The following ATIC variants were observed in gnomAD, a reference collection of about 807,000 sequenced individuals.
ATIC encodes bifunctional purine biosynthesis protein ATIC.
A neutral mutation model predicts 72.5 loss-of-function variants in ATIC; 64 were observed. The observed-to-expected ratio is 0.88, with a 90% CI of 0.72 to 1.09. The LOEUF is 1.09. Among genes scored for constraint, ATIC ranks in the 50% least tolerant of loss-of-function variants. The pLI is 0.00. For missense variants in ATIC, 787 were observed against 732.4 expected, an observed-to-expected ratio of 1.07 and a Z score of -0.86; for synonymous variants, 281 against 267.1, an observed-to-expected ratio of 1.05 and a Z score of -0.51.
chr2:215,315,575 A>C (rs2052699554), intron 2 of ATIC, among the ~76,000 whole-genome samples: 1 of 152,072 alleles, frequency 6.6e-6, no homozygotes, highest in Non-Finnish European at 1.5e-5. Context: ...TCTGGTCTTG[A>C]ACTCTAGGGC....
At chr2:215,366,851 A>G in the ATIC span, among the ~76,000 whole-genome samples, 1 of 152,256 alleles carries the variant, frequency 6.6e-6, no homozygotes, top group Non-Finnish European at 1.5e-5. Flanking sequence ...TTCAGGAGTT[A>G]AAAACCATCT....
At chr2:215,318,884 C>CTT (rs576388730) in intron 3 of ATIC, among the ~76,000 whole-genome samples, 2 of 145,420 alleles carry the variant, frequency 1.4e-5, no homozygotes, top group Non-Finnish European at 1.5e-5. Context: ...ATATATCTCT[C>CTT]TTTTTTTTTT....
chr2:215,317,682 T>A (rs1316945407), intron 2 of ATIC, among the ~76,000 whole-genome samples: 1 of 151,962 alleles, frequency 6.6e-6, no homozygotes, highest in Non-Finnish European at 1.5e-5. Flanking sequence ...AGAGCTGGGG[T>A]TTCATCATGT....
chr2:215,368,416 C>A, the ATIC span, among the ~76,000 whole-genome samples: 786 of 152,306 alleles, frequency 5.2e-3, 6 homozygotes, highest in African/African-American at 0.018. Context: ...TTTAATACCA[C>A]TCTGCCTTGC....
At chr2:215,317,130 G>A (rs1376924941) in intron 2 of ATIC, among the ~76,000 whole-genome samples, 1 of 152,198 alleles carries the variant, frequency 6.6e-6, no homozygotes, top group Non-Finnish European at 1.5e-5. Context: ...AAGTCTGCCA[G>A]AGTGTTCGTG....
chr2:215,348,965 AAAATAAT>A, intron 14 of ATIC, 122 bp from the exon 15 acceptor site: 29 of 796,642 alleles, frequency 3.6e-5, no homozygotes, highest in South Asian at 6.1e-5. Context: ...TAAAAAAAAA[AAAATAAT>A]AATAATAATA....
chr2:215,365,806 ATTT>A, the ATIC span: 5,440 of 250,814 alleles, frequency 0.022, 130 homozygotes, highest in African/African-American at 0.088. Flanking sequence ...TTTACTTTTT[ATTT>A]TTTTTTTTTT....
chr2:215,348,556 C>G (rs180689402), intron 14 of ATIC: 1 of 337,526 alleles, frequency 3.0e-6, no homozygotes, highest in Non-Finnish European at 5.7e-6. Flanking sequence ...ATGGTATTAT[C>G]TTTATTTGGT....
chr2:215,358,851 A>ATCT, the ATIC span, among the ~76,000 whole-genome samples: 2 of 152,224 alleles, frequency 1.3e-5, no homozygotes, highest in Non-Finnish European at 2.9e-5. Flanking sequence ...TTTAGTTAAT[A>ATCT]CAGTCCAACT....
chr2:215,357,632 G>T, the ATIC span, among the ~76,000 whole-genome samples: 1 of 152,130 alleles, frequency 6.6e-6, no homozygotes, highest in African/African-American at 2.4e-5. Flanking sequence ...TTCTTCATTT[G>T]TAATTTATAT....
chr2:215,356,586 T>G, the ATIC span, among the ~76,000 whole-genome samples: 7 of 152,194 alleles, frequency 4.6e-5, no homozygotes, highest in Non-Finnish European at 8.8e-5. Context: ...CCCCAAAAGT[T>G]AACTCTTAGC....
At chr2:215,334,307 C>T (rs1335928629) in intron 9 of ATIC, among the ~76,000 whole-genome samples, 1 of 149,976 alleles carries the variant, frequency 6.7e-6, no homozygotes, top group Non-Finnish European at 1.5e-5. Flanking sequence ...GATTCTCCTG[C>T]CTCAGCGTCC....
intron 11 of ATIC, among the ~76,000 whole-genome samples, chr2:215,337,257 C>A (rs2052966135): frequency 6.6e-6 from 1 of 152,086 alleles, no homozygotes. Flanking sequence ...TAATTCCTTA[C>A]AAGGAAAGTT....
chr2:215,334,863 C>T, intron 9 of ATIC, 56 bp from the exon 10 acceptor site: 3 of 1,412,304 alleles, frequency 2.1e-6, no homozygotes, highest in Non-Finnish European at 2.0e-6. Flanking sequence ...AATTTTATTA[C>T]TTTTTCTGTA....
At chr2:215,313,685 TTTC>T (rs1199301153) in intron 2 of ATIC, among the ~76,000 whole-genome samples, 3 of 152,222 alleles carry the variant, frequency 2.0e-5, no homozygotes, top group African/African-American at 7.2e-5. Context: ...GTTATTACCT[TTTC>T]TTTGTGCAGT....
At chr2:215,329,304 A>T (rs1207842704) in intron 7 of ATIC, among the ~76,000 whole-genome samples, 1 of 152,124 alleles carries the variant, frequency 6.6e-6, no homozygotes. Flanking sequence ...AAGCATTTTC[A>T]TTGGACTATA....
At chr2:215,365,800 C>A in the ATIC span, 2 of 332,702 alleles carry the variant, frequency 6.0e-6, no homozygotes, top group East Asian at 5.5e-5. Context: ...TATTTATTTA[C>A]TTTTTATTTT....
chr2:215,322,987 C>T (rs192066649), intron 4 of ATIC, among the ~76,000 whole-genome samples: 1 of 152,252 alleles, frequency 6.6e-6, no homozygotes, highest in African/African-American at 2.4e-5. Context: ...CTCTGTTGCC[C>T]AGGCTGGAGT....
At chr2:215,328,254 C>G (rs146050695) in intron 7 of ATIC, among the ~76,000 whole-genome samples, 1 of 148,960 alleles carries the variant, frequency 6.7e-6, no homozygotes, top group African/African-American at 2.4e-5. Context: ...CTGAAGTAAT[C>G]TAAGTAATTT....
Sources: allele counts gnomAD v4.1 joint callset (sites outside exome capture counted in the v4.1 genomes callset), GRCh38; gene constraint gnomAD v4.1.1; transcripts MANE v1.5; gene names NCBI Gene and HGNC (gene_info 2026-07-23, HGNC 2026-07-21).